Variants in GRM7 observed in about 807,000 individuals in gnomAD.
The protein encoded by GRM7 is metabotropic glutamate receptor 7.
GRM7 carries 35 observed loss-of-function variants against 84.5 expected under a neutral mutation model. That is an observed-to-expected ratio of 0.41 (90% CI 0.32 to 0.55). The LOEUF (loss-of-function observed/expected upper bound fraction) is 0.55. GRM7 is among the 20% of genes least tolerant of loss of function. The pLI is 0.19. For synonymous variants in GRM7, 487 were observed against 455.1 expected (o/e 1.07, Z -0.89); for missense variants, 1,003 against 1,194.6 (o/e 0.84, Z 2.36).
chr3:7,497,055 A>G (rs1699729058), intron 7 of GRM7, among the ~76,000 whole-genome samples: 1 of 151,888 alleles, frequency 6.6e-6, no homozygotes, highest in African/African-American at 2.4e-5. Context: ...TGCTTTGTCC[A>G]CTTAAGATTT....
chr3:7,360,277 A>T (rs1319193041), intron 4 of GRM7, among the ~76,000 whole-genome samples: 1 of 147,770 alleles, frequency 6.8e-6, no homozygotes, highest in African/African-American at 2.6e-5. Context: ...GAGTATCAGC[A>T]AATATGCAGA....
At chr3:7,593,942 A>AG (rs200517249) in intron 8 of GRM7, among the ~76,000 whole-genome samples, 2 of 151,324 alleles carry the variant, frequency 1.3e-5, no homozygotes, top group African/African-American at 4.9e-5. Flanking sequence ...AATCCACAGA[A>AG]GGGGGAAAAA....
At chr3:6,891,022 A>T (rs1455255753) in intron 1 of GRM7, among the ~76,000 whole-genome samples, 1 of 151,504 alleles carries the variant, frequency 6.6e-6, no homozygotes, top group African/African-American at 2.4e-5. Context: ...TTGTTGGTTT[A>T]AAGTCTGTTT....
chr3:7,631,741 C>T (rs1243266489), intron 8 of GRM7, among the ~76,000 whole-genome samples: 2 of 152,158 alleles, frequency 1.3e-5, no homozygotes, highest in East Asian at 3.9e-4. Context: ...CCCCCGTTTC[C>T]CGGGTGTGTC....
Position 6,998,714 on chromosome 3 carries a change from C to T in GRM7, c.519+136807C>T, listed in dbSNP as rs370366536. Among the ~76,000 whole-genome samples the T allele has an allele frequency of 9.2e-5, 14 of 152,322 alleles. No individual in the cohort carries two copies. In the South Asian group the frequency reaches 1.9e-3, roughly 20 times the overall value. ...GACTTCTGTGTACCTGCAGGCTCAA[C>T]GCCACATGAAAGCTGCCAAGGCTTG... is the stretch of plus-strand genomic sequence containing the variant. On this transcript the variant is annotated intron_variant, in intron 1 of 9. Transcript: ENST00000357716.
At chr3:7,035,211 G>A (rs17046659) in intron 1 of GRM7, among the ~76,000 whole-genome samples, 2,858 of 152,186 alleles carry the variant, frequency 0.019, 78 homozygotes, top group African/African-American at 0.066. Flanking sequence ...GATGTGCACC[G>A]CCTGAGACAT....
intron 7 of GRM7, among the ~76,000 whole-genome samples, chr3:7,574,767 G>C (rs2125049586): frequency 1.3e-5 from 2 of 152,276 alleles, no homozygotes; most frequent in South Asian, 4.1e-4. Flanking sequence ...ATCTCCCCCA[G>C]TGAACTAATG....
At chr3:7,463,114 T>A (rs1353684118) in intron 7 of GRM7, among the ~76,000 whole-genome samples, 1 of 101,598 alleles carries the variant, frequency 9.8e-6, no homozygotes, top group African/African-American at 3.0e-5. Flanking sequence ...CAGCCTCAAA[T>A]AAAGGTAAGA....
intron 2 of GRM7, among the ~76,000 whole-genome samples, chr3:7,280,777 G>T (rs769123551): frequency 2.0e-5 from 3 of 152,126 alleles, no homozygotes; most frequent in Non-Finnish European, 4.4e-5. Flanking sequence ...GATATGTTTC[G>T]AGTTAATCCT....
chr3:7,048,864 CT>C (rs1559405985), intron 1 of GRM7, among the ~76,000 whole-genome samples: 1 of 151,846 alleles, frequency 6.6e-6, no homozygotes, highest in Non-Finnish European at 1.5e-5. Context: ...CGAACACTTC[CT>C]CACCCCCGGT....
intron 8 of GRM7, among the ~76,000 whole-genome samples, chr3:7,660,757 G>C (rs73810848): frequency 1.3e-5 from 2 of 150,964 alleles, no homozygotes; most frequent in African/African-American, 4.8e-5. Flanking sequence ...TCTAGAAATC[G>C]GAACAACAGA....
chr3:7,411,088 TCTC>T (rs1334827286), intron 4 of GRM7, among the ~76,000 whole-genome samples: 1 of 152,124 alleles, frequency 6.6e-6, no homozygotes, highest in African/African-American at 2.4e-5. Flanking sequence ...CTTCTCGCCT[TCTC>T]CTGTGTGTCT....
chr3:7,005,861 C>T (rs1695165686), intron 1 of GRM7, among the ~76,000 whole-genome samples: 1 of 152,084 alleles, frequency 6.6e-6, no homozygotes, highest in Admixed American at 6.6e-5. Context: ...GGAGAGGTTG[C>T]CTCTTTTTCA....
At chr3:7,190,356 G>A (rs1201084668) in intron 2 of GRM7, among the ~76,000 whole-genome samples, 1 of 151,926 alleles carries the variant, frequency 6.6e-6, no homozygotes, top group East Asian at 1.9e-4. Context: ...TGTTTCTTCT[G>A]GTAATGTGCC....
intron 1 of GRM7, among the ~76,000 whole-genome samples, chr3:7,099,076 G>C (rs1698958325): frequency 6.6e-6 from 1 of 151,476 alleles, no homozygotes; most frequent in South Asian, 2.1e-4. Context: ...GCTTGAGCTT[G>C]TTTCAGGCAT....
intron 7 of GRM7, among the ~76,000 whole-genome samples, chr3:7,477,877 A>G (rs973403247): frequency 6.6e-6 from 1 of 152,136 alleles, no homozygotes; most frequent in East Asian, 1.9e-4. Context: ...GTTCTAAAGC[A>G]TGGTATCAAA....
At chr3:7,324,278 A>G (rs1295135681) in intron 4 of GRM7, among the ~76,000 whole-genome samples, 1 of 152,204 alleles carries the variant, frequency 6.6e-6, no homozygotes, top group African/African-American at 2.4e-5. Flanking sequence ...CTTAGTGTAC[A>G]GTTTTCAAAG....
intron 1 of GRM7, among the ~76,000 whole-genome samples, chr3:6,923,892 A>AAC (rs1697213058): frequency 6.6e-6 from 1 of 152,226 alleles, no homozygotes; most frequent in Non-Finnish European, 1.5e-5. Context: ...CTTTCTGTTC[A>AAC]CAGACATGTT....
intron 4 of GRM7, among the ~76,000 whole-genome samples, chr3:7,372,644 G>T (rs1243250998): frequency 2.0e-5 from 3 of 152,066 alleles, no homozygotes; most frequent in Non-Finnish European, 4.4e-5. Flanking sequence ...AAAAGTAGCA[G>T]GTGTTTTAGA....
Sources: allele counts gnomAD v4.1 joint callset (sites outside exome capture counted in the v4.1 genomes callset), GRCh38; gene constraint gnomAD v4.1.1; transcripts MANE v1.5; gene names NCBI Gene and HGNC (gene_info 2026-07-23, HGNC 2026-07-21).